The following CAPNS1 variants were observed in gnomAD, a reference collection of about 807,000 sequenced individuals.
CAPNS1 encodes the protein calpain small subunit 1.
Under a neutral mutation model 39.2 loss-of-function variants are expected in CAPNS1, and 32 were observed. The ratio of observed to expected loss-of-function variants is 0.82; its 90% CI spans 0.62 to 1.10. The LOEUF is 1.10. CAPNS1 is among the 50% of genes least tolerant of loss of function. CAPNS1 has a pLI of 0.00. For synonymous variants in CAPNS1, 153 were observed against 136.2 expected, an observed-to-expected ratio of 1.12 and a Z score of -0.86; for missense variants, 353 against 373.1, an observed-to-expected ratio of 0.95 and a Z score of 0.44.
chr19:36,141,059 G>GGCGGT lies in CAPNS1; in HGVS notation c.49_50insCGGTG (p.Gly17AlafsTer18). On this transcript the variant is annotated frameshift_variant, in exon 2 of 11. Coordinates refer to ENST00000246533, the MANE Select transcript of CAPNS1 (RefSeq NM_001749.4). LOFTEE classifies it high-confidence loss of function. Reference sequence around the variant, plus strand: ...TGAAGGGCGGCGGCGGCGGCGGCGGGGGAGGCGGGGGCCTGGGTGGGGGCC... The same window carrying GGCGGT: ...TGAAGGGCGGCGGCGGCGGCGGCGGGGCGGTGGAGGCGGGGGCCTGGGTGGGGGCC... 1 of 1,520,300 alleles carries GGCGGT rather than the reference G, an allele frequency of 6.6e-7. No individual in the cohort carries two copies. Among genetic ancestry groups the GGCGGT allele is most frequent in the South Asian group, 1.2e-5 (1 of 83,812 alleles). 94.2% of individuals were successfully genotyped at this position (1,520,300 alleles called of 1,614,324 possible).
chr19:36,142,366 CT>C, intron 3 of CAPNS1, 33 bp downstream of exon 3: 1 of 1,274,722 alleles, frequency 7.8e-7, no homozygotes, highest in Non-Finnish European at 1.1e-6. Context: ...CCCCCTTCTC[CT>C]GCCAAGGCCT....
In CAPNS1 at chr19:36,140,983, T is replaced by C; in HGVS notation, c.-15-14T>C. 2 of 1,594,642 alleles carry C rather than the reference T, an allele frequency of 1.3e-6. No individual in the cohort carries two copies. The highest frequency in any genetic ancestry group is 2.4e-5 in the East Asian group (1 of 42,114). The stretch of plus-strand genomic sequence containing the variant: ...AGGGGCGAAGCACCCACTGGTCCCC[T>C]TTTTTCCCCCCAGCAGTGAGTCGCA... On this transcript the variant is annotated splice_polypyrimidine_tract_variant and intron_variant, in intron 1 of 10. Transcript: ENST00000246533.
chr19:36,141,679 A>C, intron 2 of CAPNS1: 2 of 842,190 alleles, frequency 2.4e-6, no homozygotes, highest in Non-Finnish European at 2.9e-6. Flanking sequence ...GCAAGACCTA[A>C]TGGGGTAGGG....
At position 36,148,833 on chromosome 19, in the gene CAPNS1, G is replaced by T. The variant is rs17878485; in HGVS notation, c.722-745G>T. On this transcript the variant is annotated intron_variant, in intron 9 of 10. Transcript: ENST00000246533. ...GTCTCAAAAAAAAAAAGAAAGAAAGGCAGCCAGGGTGTGCAGGACGCTGTG... is the reference window on the plus strand; with the variant it reads ...GTCTCAAAAAAAAAAAGAAAGAAAGTCAGCCAGGGTGTGCAGGACGCTGTG... Among the ~76,000 whole-genome samples, 1,090 of 152,150 alleles carry T rather than the reference G, an allele frequency of 7.2e-3. 18 individuals carry two copies. The highest frequency in any genetic ancestry group is 0.025 in the African/African-American group (1,043 of 41,524).
intron 6 of CAPNS1, 94 bp from the exon 7 acceptor site, chr19:36,145,712 G>T: frequency 9.3e-7 from 1 of 1,074,342 alleles, no homozygotes; most frequent in Admixed American, 2.0e-5. Flanking sequence ...TTCAGCCCTG[G>T]CTGCCCTGCT....
At chr19:36,145,203 C>CTT (rs5827950) in intron 6 of CAPNS1, among the ~76,000 whole-genome samples, 50,676 of 117,870 alleles carry the variant, frequency 0.43, 11,921 homozygotes, top group East Asian at 0.59. Flanking sequence ...TTTTCTTTCT[C>CTT]TTTTTTTTTT....
chr19:36,142,720 CTT>C lies in CAPNS1; in HGVS notation c.314_315del (p.Phe105CysfsTer7). 2.5e-6 allele frequency: 4 copies of C among 1,614,120 alleles called. No individual in the cohort carries two copies. Among genetic ancestry groups the C allele is most frequent in the Non-Finnish European group, 3.4e-6 (4 of 1,179,984 alleles). ...SEEVRQFRRLFAQLAGDDMEV... is the reference protein window; with the variant it reads ...SEEVRQFRRLXAQLAGDDMEV... ...AGGAGGTCCGGCAGTTCCGGAGACT[CTT>C]TGCCCAGCTGGCTGGAGATGTAAGT... On this transcript the variant is annotated frameshift_variant, in exon 4 of 11. Coordinates refer to ENST00000246533, the MANE Select transcript of CAPNS1 (RefSeq NM_001749.4). LOFTEE classifies it high-confidence loss of function.
At chr19:36,144,197 A>G (rs1464788697) in intron 6 of CAPNS1, 1 of 151,062 alleles carries the variant, frequency 6.6e-6, no homozygotes, top group African/African-American at 2.4e-5. Flanking sequence ...AAAAAGAAAA[A>G]AAAAGAAAAA....
intron 6 of CAPNS1, among the ~76,000 whole-genome samples, chr19:36,144,865 G>A (rs1244316372): frequency 2.0e-5 from 3 of 152,304 alleles, no homozygotes; most frequent in South Asian, 2.1e-4. Flanking sequence ...ATACCGAATC[G>A]GAACTACATC....
intron 3 of CAPNS1, 69 bp downstream of exon 3, chr19:36,142,402 G>T: frequency 1.3e-6 from 1 of 791,004 alleles, no homozygotes; most frequent in Non-Finnish European, 2.1e-6. Flanking sequence ...CCCTGTTCCT[G>T]TAGAGAAGCC....
chr19:36,146,007 C>T lies in CAPNS1; in HGVS notation c.557C>T (p.Ser186Leu). 2 of 1,614,204 alleles carry T rather than the reference C, an allele frequency of 1.2e-6. No homozygotes were observed. The highest frequency in any genetic ancestry group is 1.7e-6 in the Non-Finnish European group (2 of 1,180,030). ...TACAAACAGTTCGACACTGACCGATCAGGGACCATTTGCAGTAGTGAACTC... is the reference window on the plus strand; with the variant it reads ...TACAAACAGTTCGACACTGACCGATTAGGGACCATTTGCAGTAGTGAACTC... ...AIYKQFDTDR[S>L]GTICSSELPG... The change falls in exon 8 of 11, where the codon TCA (serine) becomes TTA (leucine). Residue 186 changes from serine (S) to leucine (L), a missense_variant. Ser to Leu is a moderately radical substitution (Grantham distance 145, BLOSUM62 -2). Transcript: ENST00000246533.
At chr19:36,144,337 G>A (rs17884776) in intron 6 of CAPNS1, among the ~76,000 whole-genome samples, 2 of 152,006 alleles carry the variant, frequency 1.3e-5, no homozygotes, top group Admixed American at 6.6e-5. Flanking sequence ...CAGAGGTTTC[G>A]TCACTGCACT....
Position 36,141,153 on chromosome 19 carries a change from G to A in CAPNS1, c.142G>A (p.Gly48Ser). 1 of 1,394,088 alleles carries A rather than the reference G, an allele frequency of 7.2e-7. No homozygotes were observed. The highest frequency in any genetic ancestry group is 9.3e-7 in the Non-Finnish European group (1 of 1,077,508). 86.4% of individuals were successfully genotyped at this position (1,394,088 alleles called of 1,614,324 possible). The change falls in exon 2 of 11, where the codon GGT (glycine) becomes AGT (serine). Residue 48 changes from glycine to serine, a missense_variant. Transcript: ENST00000246533. ...GGGGGGGGGG[G>S]GGGGGGGGTA... ...CGGCGGCGGCGGCGGCGGCGGCGGC[G>A]GTGGTGGAGGCGGCGGTGGCGGTGG...
Position 36,141,152 on chromosome 19 carries a change from C to CGGTGGT in CAPNS1, c.144_149dup (p.Gly55_Gly56dup), listed in dbSNP as rs747187044. The CGGTGGT allele has an allele frequency of 3.8e-6, 5 of 1,317,678 alleles. No homozygotes were observed. The highest frequency in any genetic ancestry group is 4.0e-5 in the Admixed American group (1 of 24,958). 81.6% of individuals were successfully genotyped at this position (1,317,678 alleles called of 1,614,324 possible). On this transcript the variant is annotated inframe_insertion, in exon 2 of 11. Coordinates refer to ENST00000246533, the MANE Select transcript of CAPNS1 (RefSeq NM_001749.4). ...GCGGCGGCGGCGGCGGCGGCGGCGG[C>CGGTGGT]GGTGGTGGAGGCGGCGGTGGCGGTG...
At chr19:36,141,687 G>A (rs1974381165) in intron 2 of CAPNS1, 1 of 792,178 alleles carries the variant, frequency 1.3e-6, no homozygotes, top group Non-Finnish European at 1.5e-6. Context: ...TAATGGGGTA[G>A]GGTAAATGGC....
chr19:36,142,040 T>G (rs1041507191), intron 2 of CAPNS1, among the ~76,000 whole-genome samples: 6 of 152,014 alleles, frequency 3.9e-5, no homozygotes, highest in Non-Finnish European at 5.9e-5. Context: ...TGGGTAGGTG[T>G]GCCTGGCAGG....
chr19:36,141,389 G>A, intron 2 of CAPNS1, 169 bp downstream of exon 2: 1 of 1,339,952 alleles, frequency 7.5e-7, no homozygotes, highest in South Asian at 2.0e-5. Context: ...CTGTAAGGGG[G>A]TGGACCCCAG....
rs1974726654 is a variant in CAPNS1 at position 36,150,145 on chromosome 19, G to A, written c.*306G>A. 1 of 318,382 alleles carries A rather than the reference G, an allele frequency of 3.1e-6. No individual in the cohort carries two copies. Among genetic ancestry groups the A allele is most frequent in the East Asian group, 5.0e-5 (1 of 19,982 alleles). 19.7% of individuals were successfully genotyped at this position (318,382 alleles called of 1,614,324 possible). A position where few individuals can be genotyped will look rare whatever the true frequency, so the allele number is the denominator to read the frequency against. ...TGTACCTGTGCCAAGCCTAGCACTT[G>A]TGATGCCTCCATGCCCCGAGGGCCC... On this transcript the variant is annotated 3_prime_UTR_variant, in exon 11 of 11. Coordinates refer to ENST00000246533, the MANE Select transcript of CAPNS1 (RefSeq NM_001749.4).
intron 2 of CAPNS1, 35 bp downstream of exon 2, chr19:36,141,255 G>A (rs1432714837): frequency 4.7e-6 from 7 of 1,501,612 alleles, no homozygotes; most frequent in Admixed American, 5.0e-5. Flanking sequence ...CGGGGCCTGG[G>A]AATGGGAGGA....
Sources: allele counts gnomAD v4.1 joint callset (sites outside exome capture counted in the v4.1 genomes callset), GRCh38; gene constraint gnomAD v4.1.1; transcripts MANE v1.5; gene names NCBI Gene and HGNC (gene_info 2026-07-23, HGNC 2026-07-21).